The following DMD variants were observed in gnomAD, a reference collection of about 807,000 sequenced individuals.
DMD encodes the protein dystrophin, also known as mutant dystrophin.
In DMD, 63 loss-of-function variants were observed where a neutral mutation model predicts 330.1. That is an observed-to-expected ratio of 0.19 (90% confidence interval 0.16 to 0.24). The LOEUF (loss-of-function observed/expected upper bound fraction) is 0.24, where lower values mean the gene tolerates loss of function less well. DMD is among the 10% of genes least tolerant of loss of function. The pLI is 1.00. For missense variants in DMD, 3,344 were observed against 2,684.1 expected, an observed-to-expected ratio of 1.25 and a Z score of -5.43; for synonymous variants, 1,223 against 959.8, an observed-to-expected ratio of 1.27 and a Z score of -5.07.
chrX:32,813,544 G>A (rs1040412962), intron 6 of DMD, among the ~76,000 whole-genome samples: 5 of 111,631 alleles, frequency 4.5e-5, no homozygotes, highest in African/African-American at 6.5e-5. Context: ...TACCTAGAAC[G>A]GTGTCTACAA....
intron 55 of DMD, among the ~76,000 whole-genome samples, chrX:31,511,489 C>T (rs1471611052): frequency 1.4e-5 from 1 of 71,273 alleles, no homozygotes; most frequent in African/African-American, 5.3e-5. Context: ...CCCCTCCCCC[C>T]ACCCCACAAC....
At position 31,180,419 on chromosome X, in the gene DMD, A is replaced by C; in HGVS notation, c.10037T>G (p.Val3346Gly). 8.3e-7 allele frequency: 1 copy of C among 1,210,762 alleles called. No homozygotes were observed. The highest frequency in any genetic ancestry group is 1.1e-6 in the Non-Finnish European group (1 of 894,737). The change falls in exon 69 of 79, where the codon GTT becomes GGT. Residue 3346 changes from valine (V) to glycine (G), a missense_variant. Physicochemically the swap from Val to Gly is moderately radical, Grantham distance 109 (BLOSUM62 -3). Transcript: ENST00000357033. ...ICQSCFFSGR[V>G]AKGHKMHYPM... ...ATAGTGCATTTTATGGCCTTTTGCA[A>C]CTCGACCAGAAAAAAAGCAGCTTTG...
chrX:31,450,474 A>G lies in DMD; in HGVS notation c.8938-5847T>C, dbSNP rs16998199. 9.2e-3 allele frequency among the ~76,000 whole-genome samples: 1,033 copies of G among 112,480 alleles called. 15 individuals carry two copies. Among genetic ancestry groups the G allele is most frequent in the African/African-American group, 0.032 (990 of 30,991 alleles). ...CTACTCAAATGCTGTTGAAACAATT[A>G]AAAAGAAACACAAGTTGAGCTGTAA... On this transcript the variant is annotated intron_variant, in intron 59 of 78. Coordinates refer to ENST00000357033, the MANE Select transcript of DMD (RefSeq NM_004006.3).
chrX:32,362,574 AAGAGACAGAG>A lies in DMD; in HGVS notation c.5325+204_5325+213del, dbSNP rs367926549. Among the ~76,000 whole-genome samples the A allele has an allele frequency of 3.1e-3, 340 of 111,445 alleles. No individual in the cohort carries two copies. The highest frequency in any genetic ancestry group is 0.01 in the African/African-American group (312 of 30,672). ...ATGGCAGCAAAAGATGAGAGAGAAA[AAGAGACAGAG>A]AGAGACAGAGAGAGACAGAGACGGG... is the stretch of plus-strand genomic sequence containing the variant. On this transcript the variant is annotated intron_variant, in intron 37 of 78. Transcript: ENST00000357033.
rs773955248 is a variant in DMD at position 32,729,798 on chromosome X, C to T, written c.650-30505G>A. Among the ~76,000 whole-genome samples, 4 of 111,812 alleles carry T rather than the reference C, an allele frequency of 3.6e-5. No individual in the cohort carries two copies. In the East Asian group the frequency reaches 8.4e-4, roughly 24 times the overall value. ...TGTGTTATTCTTTTGACTTTCCTAT[C>T]AAAGTAAAAACGTTGTCTCAGCAGG... is the stretch of plus-strand genomic sequence containing the variant. On this transcript the variant is annotated intron_variant, in intron 7 of 78. Transcript: ENST00000357033.
chrX:33,267,550 C>T (rs766251287), intron 1 of DMD, among the ~76,000 whole-genome samples: 11 of 110,933 alleles, frequency 9.9e-5, no homozygotes, highest in Admixed American at 3.8e-4. Context: ...CGCATATAGC[C>T]GAAGCCATCC....
chrX:32,365,163 G>A lies in DMD; in HGVS notation c.4882C>T (p.Leu1628=), dbSNP rs1172674386. 5 of 1,210,876 alleles carry A rather than the reference G, an allele frequency of 4.1e-6. No individual in the cohort carries two copies. The highest frequency in any genetic ancestry group is 1.7e-5 in the African/African-American group (1 of 57,707). Residue 1628 remains leucine (L), a synonymous_variant, in exon 35 of 79, where the codon CTG becomes TTG. Transcript: ENST00000357033. ...TCTCCTACCTCTGTGATACTCTTCA[G>A]GTGCACCTTCTGTTTCTCAATCTCT... is the stretch of plus-strand genomic sequence containing the variant. The part of the protein sequence containing the change: ...QKEIEKQKVH[L]KSITEVGEAL...
In DMD at chrX:32,217,083, G is replaced by C. The variant is rs776983141; in HGVS notation, c.6291-20C>G. The C allele has an allele frequency of 6.7e-6, 8 of 1,201,290 alleles. No individual in the cohort carries two copies. The African/African-American group carries it at 1.4e-4, about 21-fold the overall frequency. On this transcript the variant is annotated intron_variant, in intron 43 of 78. Coordinates refer to ENST00000357033, the MANE Select transcript of DMD (RefSeq NM_004006.3). ...AATCGCCTGCAGGTAAAAGCATATG[G>C]ATCAAGAAAAATAGATGGATTATGT...
At chrX:33,128,830 A>G (rs916232063) in intron 1 of DMD, among the ~76,000 whole-genome samples, 10 of 112,077 alleles carry the variant, frequency 8.9e-5, no homozygotes, top group Non-Finnish European at 5.6e-5. Context: ...ATGAAAACCA[A>G]CAGTGCTTGA....
intron 30 of DMD, among the ~76,000 whole-genome samples, chrX:32,393,703 G>T (rs779436418): frequency 1.8e-5 from 2 of 111,002 alleles, no homozygotes; most frequent in African/African-American, 3.3e-5. Context: ...GAGAACCATG[G>T]AGAACACAAA....
rs1374777296 is a variant in DMD at position 32,217,692 on chromosome X, AAG to A, written c.6291-631_6291-630del. On this transcript the variant is annotated intron_variant, in intron 43 of 78. Transcript: ENST00000357033. Reference sequence around the variant, plus strand: ...AAATGTTTGAGGCTATGGATCTGCCAAGAAACCTGATTTGATCATTACACAAT... The same window carrying A: ...AAATGTTTGAGGCTATGGATCTGCCAAAACCTGATTTGATCATTACACAAT... Among the ~76,000 whole-genome samples, 393 of 110,917 alleles carry A rather than the reference AAG, an allele frequency of 3.5e-3. 3 individuals are homozygous for A. The highest frequency in any genetic ancestry group is 0.013 in the African/African-American group (382 of 30,210).
At chrX:31,431,427 C>T (rs867659501) in intron 60 of DMD, among the ~76,000 whole-genome samples, 2 of 111,483 alleles carry the variant, frequency 1.8e-5, no homozygotes, top group South Asian at 3.8e-4. Flanking sequence ...GACGGAGTTT[C>T]GCTCTTGTTG....
chrX:31,689,162 A>G (rs2082920556), intron 52 of DMD, among the ~76,000 whole-genome samples: 1 of 111,878 alleles, frequency 8.9e-6, no homozygotes, highest in Non-Finnish European at 1.9e-5. Context: ...TCAATTAGGA[A>G]AAGAGGAAGT....
At chrX:31,657,639 A>G (rs1278397174) in intron 54 of DMD, among the ~76,000 whole-genome samples, 2 of 112,064 alleles carry the variant, frequency 1.8e-5, no homozygotes, top group Admixed American at 1.9e-4. Context: ...TATTTATCAG[A>G]TAACAGGTAA....
At chrX:33,312,600 T>G (rs2053866722) in intron 1 of DMD, among the ~76,000 whole-genome samples, 1 of 111,877 alleles carries the variant, frequency 8.9e-6, no homozygotes, top group Non-Finnish European at 1.9e-5. Flanking sequence ...TTATTCACTG[T>G]GTTTCTATAA....
At chrX:32,782,728 T>C (rs912817259) in intron 7 of DMD, among the ~76,000 whole-genome samples, 1 of 110,013 alleles carries the variant, frequency 9.1e-6, no homozygotes, top group Non-Finnish European at 1.9e-5. Context: ...TAGTCAATAA[T>C]TGTGCATTTG....
intron 1 of DMD, among the ~76,000 whole-genome samples, chrX:33,225,873 C>A (rs1234888730): frequency 9.1e-6 from 1 of 110,220 alleles, no homozygotes; most frequent in African/African-American, 3.3e-5. Context: ...AAAGTAAAAA[C>A]AAAATAGACA....
At chrX:33,279,560 T>C (rs1214940186) in intron 1 of DMD, among the ~76,000 whole-genome samples, 1 of 110,815 alleles carries the variant, frequency 9.0e-6, no homozygotes, top group South Asian at 3.8e-4. Context: ...CAAGTTTTCA[T>C]TTTTTTAAGA....
chrX:31,594,823 T>C (rs918067606), intron 55 of DMD, among the ~76,000 whole-genome samples: 3 of 111,146 alleles, frequency 2.7e-5, no homozygotes, highest in Admixed American at 1.9e-4. Flanking sequence ...GGTTTACACA[T>C]TGAAGGGAAG....
Sources: gnomAD v4.1 joint callset for allele counts (sites outside exome capture counted in the v4.1 genomes callset) on GRCh38, gnomAD v4.1.1 for gene constraint, MANE v1.5 for transcripts, NCBI Gene and HGNC (gene_info 2026-07-23, HGNC 2026-07-21) for gene names.